The following APTX variants were observed in gnomAD, a reference collection of about 807,000 sequenced individuals.
APTX encodes the protein forkhead-associated domain histidine triad-like protein.
In APTX, 33 loss-of-function variants were observed where a neutral mutation model predicts 42.3. The ratio of observed to expected loss-of-function variants is 0.78; its 90% CI spans 0.59 to 1.04. The LOEUF is 1.04. Ranked by LOEUF, APTX falls within the 50% of genes least tolerant of loss-of-function variation. APTX has a pLI of 0.00. For synonymous variants in APTX, 130 were observed against 146.7 expected, an observed-to-expected ratio of 0.89 and a Z score of 0.82; for missense variants, 421 against 415.1, an observed-to-expected ratio of 1.01 and a Z score of -0.12.
chr9:33,021,141 A>AG lies in APTX; in HGVS notation c.-5+3881_-5+3882insC, dbSNP rs1442880773. Among the ~76,000 whole-genome samples the AG allele has an allele frequency of 2.0e-5, 3 of 152,052 alleles. No homozygotes were observed. The East Asian group carries it at 5.8e-4, about 29-fold the overall frequency. ...AGAAACTCTGTCTCAAAAAAAAAAA[A>AG]AAAGAAAGTATGAAATATCCCACTG... is the stretch of plus-strand genomic sequence containing the variant. On this transcript the variant is annotated intron_variant, in intron 1 of 6. Transcript: ENST00000436040.
chr9:32,974,559 T>A lies in APTX; in HGVS notation c.773A>T (p.His258Leu). ...LGYHAIPSMS[H>L]VHLHVISQDF... The stretch of plus-strand genomic sequence containing the variant: ...CTGGCTGATCACATGAAGATGTACA[T>A]GGCTAGTTGAAAGAAAAAAAAACTG... Residue 258 changes from histidine (H) to leucine (L), a missense_variant and splice_region_variant, in exon 7 of 8, where the codon CAT becomes CTT. Physicochemically the swap from His to Leu is moderately conservative, Grantham distance 99. Coordinates refer to ENST00000379817, the MANE Select transcript of APTX (RefSeq NM_001195248.2). The A allele has an allele frequency of 6.4e-7, 1 of 1,564,166 alleles. No individual in the cohort carries two copies. Among genetic ancestry groups the A allele is most frequent in the Non-Finnish European group, 8.7e-7 (1 of 1,154,698 alleles).
chr9:33,001,289 T>G (rs995728142), intron 1 of APTX: 27 of 1,461,090 alleles, frequency 1.8e-5, no homozygotes, highest in East Asian at 1.4e-4. Flanking sequence ...ACAGGGCCCA[T>G]TCTCTAATAT....
upstream of APTX, among the ~76,000 whole-genome samples, chr9:33,004,697 A>G (rs892089700): frequency 2.0e-5 from 3 of 148,100 alleles, no homozygotes; most frequent in African/African-American, 7.5e-5. Context: ...CAGTGGTGCA[A>G]TCTCGGCTCC....
intron 1 of APTX, among the ~76,000 whole-genome samples, chr9:33,018,330 G>A (rs1035672852): frequency 2.0e-5 from 3 of 151,822 alleles, no homozygotes; most frequent in Non-Finnish European, 2.9e-5. Flanking sequence ...TACGATGGAA[G>A]GCCGAGGTGG....
intron 1 of APTX, among the ~76,000 whole-genome samples, chr9:33,012,137 T>C (rs1837583525): frequency 6.6e-6 from 1 of 152,220 alleles, no homozygotes; most frequent in African/African-American, 2.4e-5. Flanking sequence ...GTAAAACTTC[T>C]GCTTTCATAG....
chr9:32,994,688 A>C (rs555327818), intron 1 of APTX, among the ~76,000 whole-genome samples: 29 of 152,164 alleles, frequency 1.9e-4, no homozygotes, highest in African/African-American at 6.3e-4. Context: ...CGTTATTATT[A>C]TATCTGTTAC....
chr9:33,019,615 GT>G (rs1406834739), intron 1 of APTX: 3 of 385,236 alleles, frequency 7.8e-6, no homozygotes, highest in African/African-American at 6.3e-5. Flanking sequence ...AGTAGCAACT[GT>G]GGGAATTCCC....
chr9:32,981,428 G>A (rs1830650296), intron 6 of APTX, among the ~76,000 whole-genome samples: 1 of 152,170 alleles, frequency 6.6e-6, no homozygotes, highest in South Asian at 2.1e-4. Flanking sequence ...GTGTATGTGT[G>A]TGTGTGTGTA....
intron 1 of APTX, among the ~76,000 whole-genome samples, chr9:33,018,471 G>A (rs976193753): frequency 1.3e-5 from 2 of 150,088 alleles, no homozygotes; most frequent in Admixed American, 6.6e-5. Flanking sequence ...GGGAGGCTGA[G>A]GCAAGAGAAT....
In APTX at chr9:32,985,988, G is replaced by C. The variant is rs1482886797; in HGVS notation, c.526C>G (p.Gln176Glu). ...HWSQGLKISMQDPKMQVYKDE... is the reference protein window; with the variant it reads ...HWSQGLKISMEDPKMQVYKDE... ...ATTCTGACCTGCATTTTGGGGTCCT[G>C]CATAGAAATCTTCAAGCCTTGACTC... The change falls in exon 5 of 8, where the codon CAG becomes GAG. Residue 176 changes from glutamine to glutamate, a missense_variant. Transcript: ENST00000379817. The C allele has an allele frequency of 6.3e-7, 1 of 1,587,578 alleles. No individual in the cohort carries two copies. Among genetic ancestry groups the C allele is most frequent in the African/African-American group, 1.4e-5 (1 of 69,138 alleles).
rs141774125 is a variant in APTX at position 33,008,975 on chromosome 9, C to T, written c.-5+16048G>A. ...CATGATGAGGTATTCATAAAAACTACACCCTGTAAATTCACTTTAAAATCT... is the reference window on the plus strand; with the variant it reads ...CATGATGAGGTATTCATAAAAACTATACCCTGTAAATTCACTTTAAAATCT... On this transcript the variant is annotated intron_variant, in intron 1 of 6. Transcript: ENST00000436040. Among the ~76,000 whole-genome samples, 45 of 152,334 alleles carry T rather than the reference C, an allele frequency of 3.0e-4. No homozygotes were observed. In the East Asian group the frequency reaches 7.3e-3, roughly 25 times the overall value.
In APTX at chr9:32,988,188, T is replaced by C. The variant is rs184407340; in HGVS notation, c.134-59A>G. On this transcript the variant is annotated intron_variant, in intron 2 of 7. Transcript: ENST00000379817. ...CAACAAAGAACCAGGCACTTGCTCCTATCTTCCCTAAAGAAAACAAGCTTC... is the reference window on the plus strand; with the variant it reads ...CAACAAAGAACCAGGCACTTGCTCCCATCTTCCCTAAAGAAAACAAGCTTC... 4.0e-6 allele frequency: 6 copies of C among 1,494,338 alleles called. No individual in the cohort carries two copies. In the African/African-American group the frequency reaches 6.9e-5, roughly 17 times the overall value. The allele number at this position is 1,494,338 out of a possible 1,614,324, so 92.6% of individuals were successfully genotyped here.
intron 6 of APTX, chr9:32,980,187 T>C (rs1830379596): frequency 1.3e-5 from 2 of 152,594 alleles, no homozygotes; most frequent in African/African-American, 2.4e-5. Context: ...ATAGTAACTT[T>C]TTCCCAGATT....
chr9:33,013,003 T>G lies in APTX; in HGVS notation c.-5+12020A>C, dbSNP rs574685528. Among the ~76,000 whole-genome samples the G allele has an allele frequency of 1.4e-3, 219 of 152,350 alleles. 1 individual carries two copies. Among genetic ancestry groups the G allele is most frequent in the Non-Finnish European group, 2.6e-3 (175 of 68,024 alleles). On this transcript the variant is annotated intron_variant, in intron 1 of 6. Transcript: ENST00000436040. ...GCTCCATGAGAAAAGGGATTGTGTC[T>G]GTCACAGTCAACATTGTTTTACTGA...
Position 32,984,815 on chromosome 9 carries a change from G to C in APTX, c.586C>G (p.Pro196Ala), listed in dbSNP as rs539119129. The C allele has an allele frequency of 6.2e-7, 1 of 1,614,128 alleles. No individual in the cohort carries two copies. Among genetic ancestry groups the C allele is most frequent in the East Asian group, 2.2e-5 (1 of 44,878 alleles). Reference protein sequence around the residue: ...EQVVVIKDKYPKARYHWLVLP... With the variant: ...EQVVVIKDKYAKARYHWLVLP... ...ACCAGCCAATGGTAACGGGCCTTTG[G>C]GTATTTATCCTTTATCACCACCACC... Residue 196 changes from proline (P) to alanine (A), a missense_variant, in exon 6 of 8, where the codon CCA (proline) becomes GCA (alanine). Pro to Ala is a conservative substitution (Grantham distance 27, BLOSUM62 -1). Coordinates refer to ENST00000379817, the MANE Select transcript of APTX (RefSeq NM_001195248.2).
chr9:33,016,660 G>A (rs1342917011), intron 1 of APTX, among the ~76,000 whole-genome samples: 1 of 149,362 alleles, frequency 6.7e-6, no homozygotes, highest in Non-Finnish European at 1.5e-5. Context: ...TAAATAGAAT[G>A]CATTACACTC....
At chr9:33,001,428 A>G (rs1563992181) in intron 1 of APTX, 139 bp downstream of exon 1, 3 of 1,546,334 alleles carry the variant, frequency 1.9e-6, no homozygotes, top group Admixed American at 3.9e-5. Flanking sequence ...GGGAGGACGG[A>G]GAAAGCAGCC....
chr9:32,982,258 G>A (rs1425336228), intron 6 of APTX, among the ~76,000 whole-genome samples: 2 of 152,158 alleles, frequency 1.3e-5, no homozygotes, highest in Non-Finnish European at 1.5e-5. Flanking sequence ...AAAGTGTCAA[G>A]GTCATGAAAG....
Position 32,973,079 on chromosome 9 carries a change from T to C in APTX, c.*419A>G, listed in dbSNP as rs1314816895. On this transcript the variant is annotated 3_prime_UTR_variant, in exon 8 of 8. Transcript: ENST00000379817. ...ACAAGACCCATCAGTATCTTCAGGATAAACAAGAGGCCACTCTAGATGCTC... is the reference window on the plus strand; with the variant it reads ...ACAAGACCCATCAGTATCTTCAGGACAAACAAGAGGCCACTCTAGATGCTC... 5 of 455,390 alleles carry C rather than the reference T, an allele frequency of 1.1e-5. No individual in the cohort carries two copies. The highest frequency in any genetic ancestry group is 2.2e-5 in the Non-Finnish European group (5 of 227,766). The allele number at this position is 455,390 out of a possible 1,614,324, so 28.2% of individuals were successfully genotyped here. A position where few individuals can be genotyped will look rare whatever the true frequency, so the allele number is the denominator to read the frequency against.
Sources: gnomAD v4.1 joint callset for allele counts (sites outside exome capture counted in the v4.1 genomes callset) on GRCh38, gnomAD v4.1.1 for gene constraint, MANE v1.5 for transcripts, NCBI Gene and HGNC (gene_info 2026-07-23, HGNC 2026-07-21) for gene names.